The following FBXO47 variants were observed in gnomAD, a reference collection of about 807,000 sequenced individuals.
FBXO47 encodes the protein F-box only protein 47.
FBXO47 carries 34 observed loss-of-function variants against 53.9 expected under a neutral mutation model. The ratio of observed to expected loss-of-function variants is 0.63; its 90% CI spans 0.48 to 0.84. The LOEUF (loss-of-function observed/expected upper bound fraction) is 0.84, where lower values mean the gene tolerates loss of function less well. Ranked by LOEUF, FBXO47 falls within the 40% of genes least tolerant of loss-of-function variation. The probability of loss-of-function intolerance (pLI) is 0.00; values close to 1 mark genes in which losing one functional copy is unlikely to be tolerated. For missense variants in FBXO47, 485 were observed against 541.3 expected (o/e 0.90, Z 1.03); for synonymous variants, 165 against 181.6 (o/e 0.91, Z 0.73).
chr17:38,962,124 T>C, intron 2 of FBXO47, 77 bp from the exon 3 acceptor site: 3 of 1,158,176 alleles, frequency 2.6e-6, no homozygotes, highest in South Asian at 1.6e-5. Flanking sequence ...GTCTATTAAC[T>C]TATAGGTTAA....
At chr17:38,942,459 T>C (rs1904551611) in intron 9 of FBXO47, among the ~76,000 whole-genome samples, 1 of 152,024 alleles carries the variant, frequency 6.6e-6, no homozygotes, top group Admixed American at 6.6e-5. Flanking sequence ...TGGGGCATAG[T>C]GGTGCATGCC....
chr17:38,944,848 A>ATGTGTGTGTGTGGGTGTG (rs1567715507), intron 7 of FBXO47, 112 bp downstream of exon 7: 1 of 553,650 alleles, frequency 1.8e-6, no homozygotes, highest in Non-Finnish European at 3.0e-6. Context: ...GCGTGCATGC[A>ATGTGTGTGTGTGGGTGTG]TGTGTGTGTG....
intron 6 of FBXO47, among the ~76,000 whole-genome samples, chr17:38,945,948 A>ATATATATAT (rs1555560608): frequency 1.7e-5 from 2 of 117,158 alleles, no homozygotes; most frequent in Non-Finnish European, 3.2e-5. Context: ...AAAAAAAAAA[A>ATATATATAT]ATATATATAT....
intron 6 of FBXO47, among the ~76,000 whole-genome samples, chr17:38,945,605 C>A (rs1300624264): frequency 6.6e-6 from 1 of 151,824 alleles, no homozygotes; most frequent in Non-Finnish European, 1.5e-5. Context: ...TCAAGACCAG[C>A]CTGGCCAATA....
intron 6 of FBXO47, among the ~76,000 whole-genome samples, chr17:38,945,946 A>AT (rs11413363): frequency 0.014 from 1,836 of 132,850 alleles, 31 homozygotes; most frequent in East Asian, 0.025. Context: ...AAAAAAAAAA[A>AT]AAATATATAT....
chr17:38,950,071 G>C (rs367882755), intron 6 of FBXO47, among the ~76,000 whole-genome samples: 1 of 152,060 alleles, frequency 6.6e-6, no homozygotes, highest in African/African-American at 2.4e-5. Flanking sequence ...ACGCAATTCA[G>C]TGGCATCATT....
chr17:38,949,618 A>G (rs1905129302), intron 6 of FBXO47, among the ~76,000 whole-genome samples: 1 of 152,146 alleles, frequency 6.6e-6, no homozygotes, highest in Non-Finnish European at 1.5e-5. Flanking sequence ...TGACTGCACC[A>G]TTTTACTTTC....
At chr17:38,948,871 A>G (rs968053139) in intron 6 of FBXO47, among the ~76,000 whole-genome samples, 10 of 152,198 alleles carry the variant, frequency 6.6e-5, no homozygotes, top group Admixed American at 5.2e-4. Flanking sequence ...CACCATCTAC[A>G]TTAGGTATTT....
intron 3 of FBXO47, among the ~76,000 whole-genome samples, chr17:38,961,664 T>G (rs978410677): frequency 5.3e-5 from 8 of 152,176 alleles, no homozygotes; most frequent in African/African-American, 1.9e-4. Context: ...ATATGAAATC[T>G]CAAGAATTGA....
intron 3 of FBXO47, among the ~76,000 whole-genome samples, chr17:38,959,451 A>C (rs915454598): frequency 6.6e-5 from 10 of 151,682 alleles, no homozygotes; most frequent in African/African-American, 2.4e-4. Context: ...ATGGTGGTGC[A>C]TGCCTGTAAT....
At chr17:38,942,205 G>T (rs953368335) in intron 9 of FBXO47, among the ~76,000 whole-genome samples, 1 of 151,880 alleles carries the variant, frequency 6.6e-6, no homozygotes, top group Admixed American at 6.6e-5. Flanking sequence ...TTTTTAAAAA[G>T]AATATAACTT....
Position 38,962,936 on chromosome 17 carries a change from G to A in FBXO47, c.90C>T (p.Thr30=), listed in dbSNP as rs137998024. ...SNRQTSCYSK[T]LGSGFQPIST... ...ATATGGGTTGAAAGCCTGAGCCAAG[G>A]GTCTTGGAATAACAGCTGGTTTGAC... Residue 30 remains threonine, a synonymous_variant, in exon 2 of 11, where the codon ACC becomes ACT. Transcript: ENST00000378079. 2.8e-4 allele frequency: 453 copies of A among 1,613,176 alleles called. No homozygotes were observed. The African/African-American group carries it at 5.5e-3, about 20-fold the overall frequency.
rs1302299942 is a variant in FBXO47, at chr17:38,949,452, CAAT to C, written c.616+2126_616+2128del. Among the ~76,000 whole-genome samples the C allele has an allele frequency of 2.7e-5, 4 of 150,688 alleles. No individual in the cohort carries two copies. In the East Asian group the frequency reaches 5.8e-4, roughly 22 times the overall value. ...AACAAAACAAAACAAAACAAAACAA[CAAT>C]AACAACAACAACAACAACAAAACCA... is the stretch of plus-strand genomic sequence containing the variant. On this transcript the variant is annotated intron_variant, in intron 6 of 10. Coordinates refer to ENST00000378079, the MANE Select transcript of FBXO47 (RefSeq NM_001008777.3).
intron 1 of FBXO47, among the ~76,000 whole-genome samples, chr17:38,964,641 A>T (rs1197268037): frequency 1.3e-5 from 2 of 151,982 alleles, no homozygotes; most frequent in Non-Finnish European, 2.9e-5. Flanking sequence ...AGCCTGGGGC[A>T]ACACAGTGAG....
intron 6 of FBXO47, among the ~76,000 whole-genome samples, chr17:38,950,624 C>G (rs1905225171): frequency 6.6e-6 from 1 of 151,904 alleles, no homozygotes; most frequent in Admixed American, 6.6e-5. Context: ...ATATGCATGT[C>G]TCCTTGTGCA....
intron 10 of FBXO47, among the ~76,000 whole-genome samples, chr17:38,938,160 T>G (rs1915628375): frequency 6.6e-6 from 1 of 152,228 alleles, no homozygotes; most frequent in South Asian, 2.1e-4. Context: ...AGTTTTCTCA[T>G]CTGTAAAATA....
At position 38,960,842 on chromosome 17, in the gene FBXO47, G is replaced by A. The variant is rs141199864; in HGVS notation, c.352+1035C>T. Among the ~76,000 whole-genome samples, 627 of 152,158 alleles carry A rather than the reference G, an allele frequency of 4.1e-3. 8 individuals are homozygous for A. Among genetic ancestry groups the A allele is most frequent in the African/African-American group, 0.015 (609 of 41,526 alleles). On this transcript the variant is annotated intron_variant, in intron 3 of 10. Transcript: ENST00000378079. ...AGACAGGGTTTCACCATGTTGGCCA[G>A]AGTAGTCTTGAACTCCTGACCTCAG...
At chr17:38,947,413 T>C (rs1484107351) in intron 6 of FBXO47, among the ~76,000 whole-genome samples, 1 of 151,946 alleles carries the variant, frequency 6.6e-6, no homozygotes, top group African/African-American at 2.4e-5. Context: ...ACTACAACCT[T>C]GAACTCCTGA....
rs754560050 is a variant in FBXO47, at chr17:38,962,888, G to A, written c.138C>T (p.Ala46=). The A allele has an allele frequency of 6.2e-6, 10 of 1,612,974 alleles. No individual in the cohort carries two copies. The Admixed American group carries it at 1.5e-4, about 24-fold the overall frequency. ...TTATCTGGAATATTTCCAATGGTAA[G>A]GCTTTAAAATTTCCAAATGTTGATA... is the stretch of plus-strand genomic sequence containing the variant. ...QPISTFGNFK[A]LPLEIFQIIL... Residue 46 remains alanine, a synonymous_variant, in exon 2 of 11, where the codon GCC becomes GCT. Coordinates refer to ENST00000378079, the MANE Select transcript of FBXO47 (RefSeq NM_001008777.3).
Sources: allele counts gnomAD v4.1 joint callset (sites outside exome capture counted in the v4.1 genomes callset), GRCh38; gene constraint gnomAD v4.1.1; transcripts MANE v1.5; gene names NCBI Gene and HGNC (gene_info 2026-07-23, HGNC 2026-07-21).